Variants in DNAH1 observed in about 807,000 individuals in gnomAD.
The protein encoded by DNAH1 is dynein axonemal heavy chain 1.
A neutral mutation model predicts 484.3 loss-of-function variants in DNAH1; 327 were observed. The ratio of observed to expected loss-of-function variants is 0.68; its 90% CI spans 0.62 to 0.74. DNAH1 has a LOEUF of 0.74. Among genes scored for constraint, DNAH1 ranks in the 30% least tolerant of loss-of-function variants. DNAH1 has a pLI of 0.00. For missense variants in DNAH1, 5,052 were observed against 5,546.8 expected (o/e 0.91, Z 2.83); for synonymous variants, 2,192 against 2,191.9 (o/e 1.00, Z 0.00).
In DNAH1 at chr3:52,362,643, A is replaced by C; in HGVS notation, c.5094+142A>C. On this transcript the variant is annotated intron_variant, in intron 31 of 77. Coordinates refer to ENST00000420323, the MANE Select transcript of DNAH1 (RefSeq NM_015512.5). This position sits in a 1 kb window ranked among gnomAD's most constrained non-coding sequence, Gnocchi z 5.1. ...TGGTAGCCCCTTAGCCATGGAGGGG[A>C]GGCCTCAGGGCCTCAGACTTGTCCT... 2.5e-6 allele frequency: 2 copies of C among 816,164 alleles called. No homozygotes were observed. Among genetic ancestry groups the C allele is most frequent in the Non-Finnish European group, 3.9e-6 (2 of 516,658 alleles). The allele number at this position is 816,164 out of a possible 1,614,324, so 50.6% of individuals were successfully genotyped here.
At chr3:52,356,972 G>A (rs1251484866) in intron 22 of DNAH1, among the ~76,000 whole-genome samples, 194 bp downstream of exon 22, 1 of 151,840 alleles carries the variant, frequency 6.6e-6, no homozygotes, top group Non-Finnish European at 1.5e-5. Flanking sequence ...AGTCACTGAC[G>A]GTTTTTCTCT....
chr3:52,329,438 T>C (rs1215520376), intron 6 of DNAH1, among the ~76,000 whole-genome samples: 1 of 152,180 alleles, frequency 6.6e-6, no homozygotes, highest in Non-Finnish European at 1.5e-5. Flanking sequence ...TTTACCATCC[T>C]TTACTCAGCT....
chr3:52,396,253 G>A (rs1704618525), intron 70 of DNAH1, 115 bp from the exon 71 acceptor site: 3 of 1,195,130 alleles, frequency 2.5e-6, no homozygotes, highest in East Asian at 5.2e-5. Flanking sequence ...TTCTTAACCA[G>A]TTGTCTGTGC....
At chr3:52,352,789 G>A in intron 18 of DNAH1, 82 bp downstream of exon 18, 1 of 1,506,696 alleles carries the variant, frequency 6.6e-7, no homozygotes, top group Non-Finnish European at 8.9e-7. Context: ...CAGGAGGCAG[G>A]GCTCTGGCAT....
In DNAH1 at chr3:52,358,716, G is replaced by A. The variant is rs1368395876; in HGVS notation, c.4245G>A (p.Lys1415=). 20 of 1,612,694 alleles carry A rather than the reference G, an allele frequency of 1.2e-5. No individual in the cohort carries two copies. The highest frequency in any genetic ancestry group is 1.5e-5 in the Non-Finnish European group (18 of 1,179,730). ...MKASVHDIIE[K]AIRAYPTMPR... is the part of the protein sequence containing the mutation. The stretch of plus-strand genomic sequence containing the variant: ...CCAGTGTGCACGACATCATTGAGAA[G>A]GCCATCAGGGCCTACCCCACGGTGA... The change falls in exon 25 of 78, where the codon AAG becomes AAA. Residue 1415 remains lysine, a synonymous_variant. Transcript: ENST00000420323. This position sits in a 1 kb window ranked among gnomAD's most constrained non-coding sequence, Gnocchi z 4.2.
chr3:52,378,881 G>A, intron 47 of DNAH1, 101 bp downstream of exon 47: 1 of 1,465,836 alleles, frequency 6.8e-7, no homozygotes, highest in Non-Finnish European at 9.3e-7. Context: ...GGCCCTGAGT[G>A]GGGCTTCCTG....
At chr3:52,350,957 T>C (rs1295751239) in intron 16 of DNAH1, among the ~76,000 whole-genome samples, 1 of 152,166 alleles carries the variant, frequency 6.6e-6, no homozygotes, top group African/African-American at 2.4e-5. Flanking sequence ...CAAGTGATTC[T>C]CCCTGCCTCA....
chr3:52,358,259 C>T lies in DNAH1; in HGVS notation c.4086+256C>T, dbSNP rs1014702971. Among the ~76,000 whole-genome samples the T allele has an allele frequency of 6.6e-6, 1 of 152,238 alleles. No homozygotes were observed. Among genetic ancestry groups the T allele is most frequent in the Non-Finnish European group, 1.5e-5 (1 of 68,034 alleles). ...CTGCAAAACCCATGAGGCCAGAAGC[C>T]TGTGGCCTGCCTTGTCTTCCCTCAT... On this transcript the variant is annotated intron_variant, in intron 24 of 77. Coordinates refer to ENST00000420323, the MANE Select transcript of DNAH1 (RefSeq NM_015512.5). This position sits in a 1 kb window ranked among gnomAD's most constrained non-coding sequence, Gnocchi z 4.2.
chr3:52,352,486 G>T, intron 17 of DNAH1, 66 bp from the exon 18 acceptor site: 1 of 1,560,422 alleles, frequency 6.4e-7, no homozygotes, highest in Non-Finnish European at 8.7e-7. Context: ...CCCTGGGTTT[G>T]CATGGGAAGG....
chr3:52,327,264 G>A (rs1701380104), intron 5 of DNAH1, among the ~76,000 whole-genome samples: 1 of 152,130 alleles, frequency 6.6e-6, no homozygotes, highest in African/African-American at 2.4e-5. Flanking sequence ...GGGAAGAGCA[G>A]GGATGGAAGA....
Position 52,395,424 on chromosome 3 carries a change from G to C in DNAH1, c.11085G>C (p.Lys3695Asn). ...ADLYKFAEEM[K>N]FSKKLSAISL... ...TCTACAAGTTTGCCGAAGAAATGAAGTTCTCCAAAAAGCTCTCTGCCATCT... is the reference window on the plus strand; with the variant it reads ...TCTACAAGTTTGCCGAAGAAATGAACTTCTCCAAAAAGCTCTCTGCCATCT... Residue 3695 changes from lysine (K) to asparagine (N), a missense_variant, in exon 69 of 78, where the codon AAG becomes AAC. Lys to Asn is a moderately conservative substitution (Grantham distance 94). Coordinates refer to ENST00000420323, the MANE Select transcript of DNAH1 (RefSeq NM_015512.5). The surrounding 1 kb of genome is among the most constrained non-coding windows in gnomAD (Gnocchi z 4.4). The C allele has an allele frequency of 1.2e-6, 2 of 1,613,916 alleles. No individual in the cohort carries two copies. Among genetic ancestry groups the C allele is most frequent in the Non-Finnish European group, 1.7e-6 (2 of 1,179,890 alleles).
At chr3:52,385,691 A>G (rs1252284643) in intron 54 of DNAH1, among the ~76,000 whole-genome samples, 2 of 152,272 alleles carry the variant, frequency 1.3e-5, no homozygotes, top group East Asian at 1.9e-4. Flanking sequence ...AACGATTCCA[A>G]TAACCACAAC....
chr3:52,400,463 T>C lies in DNAH1; in HGVS notation c.*17T>C. On this transcript the variant is annotated 3_prime_UTR_variant, in exon 78 of 78. Transcript: ENST00000420323. ...GACTACTAGACTCAGACAGAAGGGC[T>C]GGGGCCATTAAAGCTGAATTTTCTA... 1 of 1,613,930 alleles carries C rather than the reference T, an allele frequency of 6.2e-7. No homozygotes were observed. The highest frequency in any genetic ancestry group is 8.5e-7 in the Non-Finnish European group (1 of 1,179,810).
At chr3:52,365,944 C>A (rs1703055845) in intron 34 of DNAH1, among the ~76,000 whole-genome samples, 1 of 152,240 alleles carries the variant, frequency 6.6e-6, no homozygotes, top group Non-Finnish European at 1.5e-5. Flanking sequence ...TTGGCAGGAA[C>A]CCCCGGACCT....
In DNAH1 at chr3:52,383,485, A is replaced by G. The variant is rs750162480; in HGVS notation, c.8041A>G (p.Thr2681Ala). ...GGACGAGCAGGACCAGATCGTCAGC[A>G]CCATGCGGCCCTATATCCAGGAGCA... ...TADEQDQIVS[T>A]MRPYIQEQGL... Residue 2681 changes from threonine to alanine, a missense_variant, in exon 51 of 78, where the codon ACC becomes GCC. This residue lies in a region of DNAH1 where 2,929 missense variants were observed against 3,409.4 expected (regional missense o/e 0.86). Transcript: ENST00000420323. The G allele has an allele frequency of 6.2e-7, 1 of 1,613,840 alleles. No homozygotes were observed. Among genetic ancestry groups the G allele is most frequent in the Non-Finnish European group, 8.5e-7 (1 of 1,179,870 alleles).
intron 8 of DNAH1, among the ~76,000 whole-genome samples, chr3:52,342,798 G>T (rs1474017857): frequency 6.6e-6 from 1 of 152,232 alleles, no homozygotes; most frequent in African/African-American, 2.4e-5. Context: ...CTTGCCTTCT[G>T]ACATGCTGGT....
At position 52,386,655 on chromosome 3, in the gene DNAH1, C is replaced by T; in HGVS notation, c.8812-7C>T. ...GAGTCTTCCCCACTTGGTGGCTGGGCCTGCAGGTACGTGCCATGCAGCGGC... is the reference window on the plus strand; with the variant it reads ...GAGTCTTCCCCACTTGGTGGCTGGGTCTGCAGGTACGTGCCATGCAGCGGC... On this transcript the variant is annotated splice_region_variant and splice_polypyrimidine_tract_variant and intron_variant, in intron 55 of 77. Transcript: ENST00000420323. 2 of 1,560,236 alleles carry T rather than the reference C, an allele frequency of 1.3e-6. No individual in the cohort carries two copies.
intron 32 of DNAH1, 48 bp downstream of exon 32, chr3:52,363,192 G>A: frequency 6.2e-7 from 1 of 1,601,510 alleles, no homozygotes; most frequent in Non-Finnish European, 8.5e-7. Context: ...ACTTCTGCCT[G>A]CTCCCAGCCT....
chr3:52,386,096 T>C, intron 54 of DNAH1, 64 bp from the exon 55 acceptor site: 1 of 1,521,442 alleles, frequency 6.6e-7, no homozygotes, highest in Non-Finnish European at 8.8e-7. Context: ...TCCTTCCATC[T>C]GGGGAGACTA....
Sources: gnomAD v4.1 joint callset for allele counts (sites outside exome capture counted in the v4.1 genomes callset) on GRCh38, gnomAD v4.1.1 for gene constraint, gnomAD v4.1.1 regional missense constraint, Gnocchi (gnomAD v3.1) non-coding constraint, MANE v1.5 for transcripts, NCBI Gene and HGNC (gene_info 2026-07-23, HGNC 2026-07-21) for gene names.